Variants in TOP2B observed in about 807,000 individuals in gnomAD.
The protein encoded by TOP2B is DNA topoisomerase II beta, also known as DNA topoisomerase 2-beta.
TOP2B carries 51 observed loss-of-function variants against 193.5 expected under a neutral mutation model. That is an observed-to-expected ratio of 0.26 (90% CI 0.21 to 0.33). TOP2B has a LOEUF of 0.33. Among genes scored for constraint, TOP2B ranks in the 10% least tolerant of loss-of-function variants. The probability of loss-of-function intolerance (pLI) is 1.00; values close to 1 mark genes in which losing one functional copy is unlikely to be tolerated. For missense variants in TOP2B, 1,378 were observed against 1,909.3 expected, an observed-to-expected ratio of 0.72 and a Z score of 5.19; for synonymous variants, 634 against 635.7, an observed-to-expected ratio of 1.00 and a Z score of 0.04.
rs377304658 is a variant in TOP2B, at chr3:25,632,678, T to C, written c.1128+15A>G. 13 of 1,609,992 alleles carry C rather than the reference T, an allele frequency of 8.1e-6. No homozygotes were observed. The highest frequency in any genetic ancestry group is 8.5e-6 in the Non-Finnish European group (10 of 1,176,682). ...ATATGTATGCATCATGTACAATATA[T>C]AACACATCCCTTACTTGAAATGGTT... On this transcript the variant is annotated intron_variant, in intron 9 of 35. Transcript: ENST00000264331.
intron 1 of TOP2B, among the ~76,000 whole-genome samples, chr3:25,653,068 A>G (rs533894982): frequency 6.6e-6 from 1 of 152,220 alleles, no homozygotes; most frequent in African/African-American, 2.4e-5. Context: ...CCAAACATAT[A>G]ATCTACCAAG....
Position 25,632,429 on chromosome 3 carries a change from AT to A in TOP2B, c.1266+16del, listed in dbSNP as rs1351896150. On this transcript the variant is annotated intron_variant, in intron 10 of 35. Transcript: ENST00000264331. ...ACTCTTAATAACAACAATAAAAAAAATACAAGTTTTACTCACTGCTTTAAAA... is the reference window on the plus strand; with the variant it reads ...ACTCTTAATAACAACAATAAAAAAAAACAAGTTTTACTCACTGCTTTAAAA... 6.5e-7 allele frequency: 1 copy of A among 1,529,330 alleles called. No homozygotes were observed. Among genetic ancestry groups the A allele is most frequent in the Admixed American group, 2.3e-5 (1 of 43,600 alleles). 94.7% of individuals were successfully genotyped at this position (1,529,330 alleles called of 1,614,324 possible). A position where few individuals can be genotyped will look rare whatever the true frequency, so the allele number is the denominator to read the frequency against.
intron 21 of TOP2B, among the ~76,000 whole-genome samples, chr3:25,621,650 C>T (rs1702660459): frequency 6.6e-6 from 1 of 152,046 alleles, no homozygotes; most frequent in African/African-American, 2.4e-5. Context: ...TGAGTCACTG[C>T]ACCTGGCCTA....
intron 34 of TOP2B, among the ~76,000 whole-genome samples, chr3:25,599,901 C>T (rs533084780): frequency 6.6e-6 from 1 of 152,208 alleles, no homozygotes; most frequent in South Asian, 2.1e-4. Context: ...TCTAATTTGT[C>T]ATGGGCCAAT....
At chr3:25,650,285 C>T (rs1703548244) in intron 1 of TOP2B, among the ~76,000 whole-genome samples, 1 of 152,194 alleles carries the variant, frequency 6.6e-6, no homozygotes, top group African/African-American at 2.4e-5. Flanking sequence ...TGTTATCGTT[C>T]TTTGGCCCTT....
rs1294701538 is a variant in TOP2B at position 25,643,600 on chromosome 3, T to C, written c.331+94A>G. The C allele has an allele frequency of 4.4e-6, 4 of 899,032 alleles. No homozygotes were observed. In the East Asian group the frequency reaches 7.3e-5, roughly 16 times the overall value. The allele number at this position is 899,032 out of a possible 1,614,324, so 55.7% of individuals were successfully genotyped here. A position where few individuals can be genotyped will look rare whatever the true frequency, so the allele number is the denominator to read the frequency against. On this transcript the variant is annotated intron_variant, in intron 3 of 35. Transcript: ENST00000264331. The stretch of plus-strand genomic sequence containing the variant: ...AGGATAAAAGCCAGAGATACACCTT[T>C]CAAATTTATACTGGTTAAGTCTGGC...
chr3:25,598,624 G>T (rs2125337376), intron 35 of TOP2B, 147 bp from the exon 36 acceptor site: 1 of 568,846 alleles, frequency 1.8e-6, no homozygotes, highest in South Asian at 4.9e-5. Flanking sequence ...TAACCTAAGT[G>T]TAAGACCAGT....
chr3:25,612,237 C>T (rs938062315), intron 28 of TOP2B, among the ~76,000 whole-genome samples: 7 of 152,052 alleles, frequency 4.6e-5, no homozygotes, highest in South Asian at 2.1e-4. Flanking sequence ...CCACCGTGCC[C>T]GGCCGGCTTC....
At chr3:25,645,148 C>T (rs1011461297) in intron 2 of TOP2B, among the ~76,000 whole-genome samples, 152 bp downstream of exon 2, 1 of 152,102 alleles carries the variant, frequency 6.6e-6, no homozygotes, top group Non-Finnish European at 1.5e-5. Context: ...GAAGTAAATA[C>T]ATTTCTACTT....
At chr3:25,645,105 C>T (rs1703378697) in intron 2 of TOP2B, among the ~76,000 whole-genome samples, 195 bp downstream of exon 2, 1 of 152,070 alleles carries the variant, frequency 6.6e-6, no homozygotes, top group Admixed American at 6.5e-5. Context: ...CCACTGCGCT[C>T]AGCCTCTTCT....
chr3:25,636,462 C>T, intron 6 of TOP2B, among the ~76,000 whole-genome samples: 1 of 151,960 alleles, frequency 6.6e-6, no homozygotes. Context: ...TATAAGTAAT[C>T]TAGAGTTGAT....
chr3:25,644,744 T>A (rs1703365680), intron 2 of TOP2B, among the ~76,000 whole-genome samples: 1 of 151,772 alleles, frequency 6.6e-6, no homozygotes, highest in South Asian at 2.1e-4. Flanking sequence ...TGGGGAAGAC[T>A]TACATAAAAA....
intron 1 of TOP2B, among the ~76,000 whole-genome samples, chr3:25,652,838 A>G (rs1703631196): frequency 6.6e-6 from 1 of 152,126 alleles, no homozygotes; most frequent in African/African-American, 2.4e-5. Context: ...ACAATGAGGA[A>G]AAAAAATCAA....
Position 25,664,865 on chromosome 3 carries a change from G to A in TOP2B, c.-568C>T. ...AATAAACAGAGCCGCCGCCGCCGCC[G>A]CCACGGTCACCTCCCTCTTGTCCGG... is the stretch of plus-strand genomic sequence containing the variant. On this transcript the variant is annotated 5_prime_UTR_variant, in exon 1 of 36. Coordinates refer to ENST00000264331, the MANE Select transcript of TOP2B (RefSeq NM_001330700.2). 1 of 990,722 alleles carries A rather than the reference G, an allele frequency of 1.0e-6. No homozygotes were observed. The highest frequency in any genetic ancestry group is 1.2e-6 in the Non-Finnish European group (1 of 832,664). The allele number at this position is 990,722 out of a possible 1,614,324, so 61.4% of individuals were successfully genotyped here.
intron 34 of TOP2B, among the ~76,000 whole-genome samples, chr3:25,600,599 T>G (rs975350247): frequency 6.6e-6 from 1 of 152,206 alleles, no homozygotes; most frequent in African/African-American, 2.4e-5. Context: ...ATATCATGTC[T>G]TACAAACATA....
At position 25,599,632 on chromosome 3, in the gene TOP2B, G is replaced by C. The variant is rs750785059; in HGVS notation, c.4616-103C>G. 1.5e-5 allele frequency: 15 copies of C among 1,033,940 alleles called. 1 individual carries two copies. In the South Asian group the frequency reaches 1.9e-4, roughly 13 times the overall value. 64.0% of individuals were successfully genotyped at this position (1,033,940 alleles called of 1,614,324 possible). A position where few individuals can be genotyped will look rare whatever the true frequency, so the allele number is the denominator to read the frequency against. Reference sequence around the variant, plus strand: ...ATTTCTTTGGCATGCCCAATCAGTGGAGCATTGCAGTCCTGATCTCTTACT... The same window carrying C: ...ATTTCTTTGGCATGCCCAATCAGTGCAGCATTGCAGTCCTGATCTCTTACT... On this transcript the variant is annotated intron_variant, in intron 34 of 35. Transcript: ENST00000264331.
chr3:25,631,157 T>C (rs1423809324), intron 10 of TOP2B, among the ~76,000 whole-genome samples: 1 of 152,092 alleles, frequency 6.6e-6, no homozygotes, highest in African/African-American at 2.4e-5. Flanking sequence ...AGGATAACTT[T>C]TACATATGAG....
chr3:25,634,127 GC>G, intron 7 of TOP2B, 113 bp from the exon 8 acceptor site: 2 of 770,696 alleles, frequency 2.6e-6, no homozygotes, highest in Non-Finnish European at 4.0e-6. Context: ...AGTTCTAAGT[GC>G]ACCGATCCAA....
intron 30 of TOP2B, among the ~76,000 whole-genome samples, chr3:25,608,279 A>G (rs1432380035): frequency 1.3e-5 from 2 of 152,236 alleles, no homozygotes; most frequent in African/African-American, 4.8e-5. Context: ...TATTGCCATA[A>G]AGCAAGTATG....
Sources: allele counts gnomAD v4.1 joint callset (sites outside exome capture counted in the v4.1 genomes callset), GRCh38; gene constraint gnomAD v4.1.1; transcripts MANE v1.5; gene names NCBI Gene and HGNC (gene_info 2026-07-23, HGNC 2026-07-21).